The following EXTL3 variants were observed in gnomAD, a reference collection of about 807,000 sequenced individuals.
The protein encoded by EXTL3 is exostosin-like 3.
EXTL3 carries 27 observed loss-of-function variants against 69.3 expected under a neutral mutation model. The observed-to-expected ratio is 0.39, with a 90% CI of 0.29 to 0.54. The LOEUF is 0.54. Ranked by LOEUF, EXTL3 falls within the 20% of genes least tolerant of loss-of-function variation. The probability of loss-of-function intolerance (pLI) is 0.69; values close to 1 mark genes in which losing one functional copy is unlikely to be tolerated. For missense variants in EXTL3, 1,003 were observed against 1,231.8 expected (o/e 0.81, Z 2.78); for synonymous variants, 511 against 499.4 (o/e 1.02, Z -0.31).
chr8:28,669,283 T>TGGTAGCA (rs1322553846), intron 1 of EXTL3, among the ~76,000 whole-genome samples: 1 of 152,206 alleles, frequency 6.6e-6, no homozygotes, highest in Non-Finnish European at 1.5e-5. Context: ...TTTATTCCGA[T>TGGTAGCA]GGTAGCATGT....
chr8:28,639,571 C>T (rs965184176), intron 1 of EXTL3, among the ~76,000 whole-genome samples: 1 of 152,146 alleles, frequency 6.6e-6, no homozygotes, highest in African/African-American at 2.4e-5. Context: ...CCCCTGCCTG[C>T]CTACCTCTTT....
chr8:28,720,147 G>A (rs962350844), intron 3 of EXTL3, among the ~76,000 whole-genome samples: 5 of 152,092 alleles, frequency 3.3e-5, no homozygotes, highest in African/African-American at 1.2e-4. Flanking sequence ...CTGGGGAACA[G>A]TTGAAGTTGC....
At chr8:28,626,261 T>C (rs1806489625) in intron 1 of EXTL3, among the ~76,000 whole-genome samples, 1 of 151,086 alleles carries the variant, frequency 6.6e-6, no homozygotes, top group African/African-American at 2.4e-5. Context: ...AGAATAAGAC[T>C]AAAGAAAGAG....
chr8:28,741,051 G>A (rs1801768023), intron 5 of EXTL3: 1 of 152,098 alleles, frequency 6.6e-6, no homozygotes, highest in African/African-American at 2.4e-5. Context: ...CTGCCTCCTG[G>A]GTTCAAGCAA....
intron 1 of EXTL3, among the ~76,000 whole-genome samples, chr8:28,630,821 C>T (rs1285783916): frequency 2.6e-5 from 4 of 152,120 alleles, no homozygotes. Flanking sequence ...TGTCAAAGAA[C>T]TTTGCTGGAA....
At chr8:28,683,805 G>A (rs558303160) in intron 1 of EXTL3, among the ~76,000 whole-genome samples, 2 of 150,940 alleles carry the variant, frequency 1.3e-5, no homozygotes, top group Non-Finnish European at 3.0e-5. Flanking sequence ...GTGAGACTCC[G>A]TCTCAAAAAA....
At chr8:28,645,806 A>T (rs1445157019) in intron 1 of EXTL3, among the ~76,000 whole-genome samples, 1 of 148,660 alleles carries the variant, frequency 6.7e-6, no homozygotes, top group African/African-American at 2.5e-5. Context: ...TAGGATTACA[A>T]GCATGAGCCA....
intron 1 of EXTL3, among the ~76,000 whole-genome samples, chr8:28,628,599 A>G (rs376157916): frequency 6.6e-6 from 1 of 152,210 alleles, no homozygotes; most frequent in African/African-American, 2.4e-5. Flanking sequence ...AAAAAGTCCT[A>G]TGGTATGTCA....
chr8:28,731,052 G>A (rs1488169641), intron 3 of EXTL3, among the ~76,000 whole-genome samples, 171 bp from the exon 4 acceptor site: 1 of 152,174 alleles, frequency 6.6e-6, no homozygotes, highest in African/African-American at 2.4e-5. Context: ...ATTTATTGAA[G>A]TATAAGGCAG....
At chr8:28,638,649 G>C (rs1398557651) in intron 1 of EXTL3, among the ~76,000 whole-genome samples, 1 of 152,104 alleles carries the variant, frequency 6.6e-6, no homozygotes, top group Non-Finnish European at 1.5e-5. Context: ...TTTGTTTTTT[G>C]AGACGGAGTT....
chr8:28,626,978 C>T (rs540429212), intron 1 of EXTL3, among the ~76,000 whole-genome samples: 4 of 151,000 alleles, frequency 2.6e-5, no homozygotes, highest in Non-Finnish European at 4.4e-5. Context: ...GTCAGGAGAT[C>T]GAGACCATCC....
At chr8:28,719,673 C>T (rs1183325499) in intron 3 of EXTL3, among the ~76,000 whole-genome samples, 1 of 151,954 alleles carries the variant, frequency 6.6e-6, no homozygotes, top group African/African-American at 2.4e-5. Flanking sequence ...TAATAGACTT[C>T]TCAAAGTTCA....
chr8:28,704,128 A>T (rs976365121), intron 1 of EXTL3, among the ~76,000 whole-genome samples: 6 of 152,196 alleles, frequency 3.9e-5, no homozygotes, highest in Admixed American at 2.6e-4. Flanking sequence ...GGATTTAAAA[A>T]ACCTGTGATC....
intron 1 of EXTL3, among the ~76,000 whole-genome samples, chr8:28,659,849 T>C (rs1309492644): frequency 6.6e-6 from 1 of 152,152 alleles, no homozygotes; most frequent in Non-Finnish European, 1.5e-5. Context: ...CTTTGTTGTC[T>C]CAGTTGCCAC....
At chr8:28,700,671 A>T (rs760644730), upstream of EXTL3, 4 of 151,930 alleles carry the variant, frequency 2.6e-5, no homozygotes, top group South Asian at 2.1e-4. Context: ...TAAAAACATT[A>T]AAAAAAATAC....
intron 2 of EXTL3, among the ~76,000 whole-genome samples, chr8:28,607,976 G>C (rs866955990): frequency 1.3e-5 from 2 of 151,980 alleles, no homozygotes; most frequent in Admixed American, 6.5e-5. Flanking sequence ...CAGGCGTGGT[G>C]GTGGGCGCCT....
At chr8:28,672,875 C>G (rs997534065) in intron 1 of EXTL3, among the ~76,000 whole-genome samples, 1 of 152,088 alleles carries the variant, frequency 6.6e-6, no homozygotes, top group Non-Finnish European at 1.5e-5. Context: ...ATGGGAGGGA[C>G]CCGGTGGGAG....
chr8:28,729,439 G>A (rs1043084368), intron 3 of EXTL3, among the ~76,000 whole-genome samples: 1 of 148,426 alleles, frequency 6.7e-6, no homozygotes, highest in East Asian at 2.0e-4. Context: ...TACTAAAAAT[G>A]CAAAAAAATA....
At chr8:28,637,644 C>T (rs898395557) in intron 1 of EXTL3, among the ~76,000 whole-genome samples, 8 of 141,602 alleles carry the variant, frequency 5.6e-5, no homozygotes, top group African/African-American at 2.0e-4. Context: ...AAAAAAAAAA[C>T]AATCAATCTG....
Sources: allele counts gnomAD v4.1 joint callset (sites outside exome capture counted in the v4.1 genomes callset), GRCh38; gene constraint gnomAD v4.1.1; transcripts MANE v1.5; gene names NCBI Gene and HGNC (gene_info 2026-07-23, HGNC 2026-07-21).